TSPAN9: variants seen among roughly 807,000 people sequenced by gnomAD.
TSPAN9 encodes tetraspanin 9.
TSPAN9 carries 16 observed loss-of-function variants against 31.0 expected under a neutral mutation model. The ratio of observed to expected loss-of-function variants is 0.52; its 90% CI spans 0.35 to 0.78. The LOEUF is 0.78. TSPAN9 is among the 30% of genes least tolerant of loss of function. TSPAN9 has a pLI of 0.01. For synonymous variants in TSPAN9, 145 were observed against 121.6 expected (o/e 1.19, Z -1.27); for missense variants, 272 against 312.5 (o/e 0.87, Z 0.98).
intron 3 of TSPAN9, among the ~76,000 whole-genome samples, chr12:3,233,693 AGCT>A (rs562618706): frequency 1.3e-5 from 2 of 152,370 alleles, no homozygotes; most frequent in South Asian, 2.1e-4. Flanking sequence ...TCACGAGCAA[AGCT>A]GCTGTGAGCA....
At chr12:3,250,957 C>T (rs886704268) in intron 3 of TSPAN9, among the ~76,000 whole-genome samples, 1 of 152,188 alleles carries the variant, frequency 6.6e-6, no homozygotes. Context: ...TCCATGCACT[C>T]TCTCTTCTCC....
chr12:3,124,548 C>T (rs1202222311), intron 2 of TSPAN9, among the ~76,000 whole-genome samples: 1 of 151,680 alleles, frequency 6.6e-6, no homozygotes, highest in Admixed American at 6.6e-5. Context: ...GCTGGGATTA[C>T]AGGCATGCAC....
chr12:3,185,944 G>A (rs2098361076), intron 2 of TSPAN9, among the ~76,000 whole-genome samples: 1 of 152,194 alleles, frequency 6.6e-6, no homozygotes, highest in Non-Finnish European at 1.5e-5. Flanking sequence ...GGAGCTCAGG[G>A]GCCTTCAGAC....
At chr12:3,271,841 A>G (rs901435976) in intron 3 of TSPAN9, among the ~76,000 whole-genome samples, 2 of 152,198 alleles carry the variant, frequency 1.3e-5, no homozygotes, top group African/African-American at 4.8e-5. Flanking sequence ...AATACAAAGC[A>G]GCGGCTGCGC....
intron 2 of TSPAN9, among the ~76,000 whole-genome samples, chr12:3,151,816 G>C (rs1488620682): frequency 6.6e-6 from 1 of 152,038 alleles, no homozygotes. Flanking sequence ...CCAGCTACTC[G>C]GGAGGCTGAG....
intron 2 of TSPAN9, among the ~76,000 whole-genome samples, chr12:3,104,729 C>T (rs1041984856): frequency 6.6e-6 from 1 of 152,156 alleles, no homozygotes; most frequent in Non-Finnish European, 1.5e-5. Context: ...CTCATTTAAT[C>T]CGCCCAGCAA....
intron 2 of TSPAN9, among the ~76,000 whole-genome samples, chr12:3,131,769 T>C (rs1240727537): frequency 6.6e-6 from 1 of 152,238 alleles, no homozygotes; most frequent in East Asian, 1.9e-4. Flanking sequence ...ATTTTTTTTC[T>C]TGTGGTAAAA....
At position 3,283,082 on chromosome 12, in the gene TSPAN9, A is replaced by T; in HGVS notation, c.686A>T (p.His229Leu). Residue 229 changes from histidine to leucine, a missense_variant, in exon 9 of 9, where the codon CAC becomes CTC. Transcript: ENST00000011898. ...GMAFSMTLFQ[H>L]IHRTGKKYDA ...GCCTTCTCCATGACCCTCTTCCAGC[A>T]CATCCACCGGACTGGTAAGAAGTAC... The T allele has an allele frequency of 6.2e-7, 1 of 1,609,600 alleles. No individual in the cohort carries two copies. The highest frequency in any genetic ancestry group is 8.5e-7 in the Non-Finnish European group (1 of 1,179,972).
At chr12:3,243,438 G>A (rs1487336466) in intron 3 of TSPAN9, among the ~76,000 whole-genome samples, 2 of 152,166 alleles carry the variant, frequency 1.3e-5, no homozygotes, top group African/African-American at 4.8e-5. Context: ...CTGGTTTCAC[G>A]GCAGTTTGTG....
At chr12:3,211,278 C>A (rs780841551) in intron 3 of TSPAN9, among the ~76,000 whole-genome samples, 37 of 152,320 alleles carry the variant, frequency 2.4e-4, no homozygotes, top group Non-Finnish European at 4.6e-4. Flanking sequence ...TCCCCACAGA[C>A]CTGTACCGCC....
chr12:3,226,708 A>C (rs948130235), intron 3 of TSPAN9, among the ~76,000 whole-genome samples: 1 of 5,938 alleles, frequency 1.7e-4, no homozygotes, highest in Non-Finnish European at 3.4e-4. Context: ...GTGTGTGTGT[A>C]TGTGTATGTA....
chr12:3,161,830 T>C (rs1215346904), intron 2 of TSPAN9, among the ~76,000 whole-genome samples: 1 of 151,984 alleles, frequency 6.6e-6, no homozygotes, highest in Non-Finnish European at 1.5e-5. Flanking sequence ...TGTCTGTTGT[T>C]TTAGAGATAG....
chr12:3,168,873 G>A lies in TSPAN9; in HGVS notation c.-17-32304G>A, dbSNP rs551659081. On this transcript the variant is annotated intron_variant, in intron 2 of 8. Transcript: ENST00000011898. The surrounding 1 kb of genome is among the most constrained non-coding windows in gnomAD (Gnocchi z 4.0). ...CGCCTCCCTCCCGGCCAGTGTGGGC[G>A]TGCAGATGGATGAGCTCAGGTTTGG... is the stretch of plus-strand genomic sequence containing the variant. Among the ~76,000 whole-genome samples, 59 of 152,312 alleles carry A rather than the reference G, an allele frequency of 3.9e-4. No individual in the cohort carries two copies. The highest frequency in any genetic ancestry group is 1.2e-3 in the South Asian group (6 of 4,828).
At chr12:3,130,141 G>A (rs1226490477) in intron 2 of TSPAN9, among the ~76,000 whole-genome samples, 3 of 152,148 alleles carry the variant, frequency 2.0e-5, no homozygotes, top group Non-Finnish European at 4.4e-5. Flanking sequence ...TTCTACTTCC[G>A]CTTCCCCCGG....
At chr12:3,089,209 G>A (rs2098302565) in intron 2 of TSPAN9, among the ~76,000 whole-genome samples, 1 of 149,126 alleles carries the variant, frequency 6.7e-6, no homozygotes, top group African/African-American at 2.5e-5. Context: ...TCCAGCCTGG[G>A]TGACAGAGCG....
At chr12:3,094,259 C>T (rs1358006805) in intron 2 of TSPAN9, among the ~76,000 whole-genome samples, 1 of 152,150 alleles carries the variant, frequency 6.6e-6, no homozygotes. Context: ...GAGATGAAAT[C>T]TAAGAGGTAG....
Position 3,280,614 on chromosome 12 carries a change from C to T in TSPAN9, c.432+131C>T. The T allele has an allele frequency of 1.2e-6, 1 of 807,762 alleles. No individual in the cohort carries two copies. Among genetic ancestry groups the T allele is most frequent in the Admixed American group, 2.3e-5 (1 of 43,392 alleles). The allele number at this position is 807,762 out of a possible 1,614,324, so 50.0% of individuals were successfully genotyped here. A position where few individuals can be genotyped will look rare whatever the true frequency, so the allele number is the denominator to read the frequency against. On this transcript the variant is annotated intron_variant, in intron 6 of 8. Coordinates refer to ENST00000011898, the MANE Select transcript of TSPAN9 (RefSeq NM_006675.5). The surrounding 1 kb of genome is among the most constrained non-coding windows in gnomAD (Gnocchi z 4.5). The stretch of plus-strand genomic sequence containing the variant: ...ATTTTAGCCGGGAGTGGAGTGGTAC[C>T]CACGGGGGCATTTGCCTGAACTGCT...
At chr12:3,142,772 A>G (rs1418180482) in intron 2 of TSPAN9, among the ~76,000 whole-genome samples, 1 of 152,216 alleles carries the variant, frequency 6.6e-6, no homozygotes, top group Non-Finnish European at 1.5e-5. Flanking sequence ...TGTTGTTAAC[A>G]TCCTACATAA....
chr12:3,093,442 G>A (rs768237818), intron 2 of TSPAN9, among the ~76,000 whole-genome samples: 117 of 152,280 alleles, frequency 7.7e-4, no homozygotes, highest in African/African-American at 2.7e-3. Flanking sequence ...GTGAGTCTCC[G>A]AGTGTCCTCA....
Sources: gnomAD v4.1 joint callset for allele counts (sites outside exome capture counted in the v4.1 genomes callset) on GRCh38, gnomAD v4.1.1 for gene constraint, Gnocchi (gnomAD v3.1) non-coding constraint, MANE v1.5 for transcripts, NCBI Gene and HGNC (gene_info 2026-07-23, HGNC 2026-07-21) for gene names.